The following SNAP91 variants were observed in gnomAD, a reference collection of about 807,000 sequenced individuals.
SNAP91 encodes clathrin coat assembly protein AP180.
In SNAP91, 27 loss-of-function variants were observed where a neutral mutation model predicts 100.3. That is an observed-to-expected ratio of 0.27 (90% CI 0.20 to 0.37). SNAP91 has a LOEUF of 0.37. SNAP91 is among the 10% of genes least tolerant of loss of function. SNAP91 has a pLI of 1.00. For synonymous variants in SNAP91, 404 were observed against 398.6 expected (o/e 1.01, Z -0.16); for missense variants, 986 against 1,123.7 (o/e 0.88, Z 1.75).
Position 83,601,458 on chromosome 6 carries a change from G to C in SNAP91, c.1157-20C>G, listed in dbSNP as rs773601151. On this transcript the variant is annotated intron_variant, in intron 15 of 29. Transcript: ENST00000369694. ...AAGAATCTATATTTCACCAGAGACA[G>C]AGAGCAAACGGAGAGAAGAAAAGCA... 10 of 1,613,444 alleles carry C rather than the reference G, an allele frequency of 6.2e-6. No individual in the cohort carries two copies. Among genetic ancestry groups the C allele is most frequent in the Non-Finnish European group, 8.5e-6 (10 of 1,179,616 alleles).
Position 83,592,537 on chromosome 6 carries a change from C to T in SNAP91, c.1848G>A (p.Val616=), listed in dbSNP as rs370310713. The change falls in exon 21 of 30, where the codon GTG becomes GTA. Residue 616 remains valine, a splice_region_variant and synonymous_variant. Coordinates refer to ENST00000369694, the MANE Select transcript of SNAP91 (RefSeq NM_001242792.2). ...CAGGAGATGGTGCTGCAAATGCATCCACTGCAGTGAAGCACAGACAGGAAA... is the reference window on the plus strand; with the variant it reads ...CAGGAGATGGTGCTGCAAATGCATCTACTGCAGTGAAGCACAGACAGGAAA... ...ESSLTADLLS[V]DAFAAPSPAT... is the part of the protein sequence containing the mutation. The T allele has an allele frequency of 5.0e-6, 8 of 1,605,732 alleles. No individual in the cohort carries two copies. In the African/African-American group the frequency reaches 1.1e-4, roughly 21 times the overall value.
chr6:83,659,248 C>G (rs542887384), intron 5 of SNAP91, among the ~76,000 whole-genome samples, 156 bp from the exon 6 acceptor site: 1 of 152,230 alleles, frequency 6.6e-6, no homozygotes, highest in South Asian at 2.1e-4. Flanking sequence ...CATTTCCCCC[C>G]TCTATCTATT....
chr6:83,577,942 G>A (rs553982294), intron 24 of SNAP91, among the ~76,000 whole-genome samples: 1 of 152,018 alleles, frequency 6.6e-6, no homozygotes, highest in Admixed American at 6.5e-5. Flanking sequence ...GTCTATTCTG[G>A]ACATTTCATA....
In SNAP91 at chr6:83,665,519, C is replaced by A; in HGVS notation, c.193G>T (p.Glu65Ter). The change falls in exon 3 of 30, where the codon GAG (glutamate) becomes TAG (stop). Residue 65 changes from glutamate to a stop codon, truncating the protein, a stop_gained. Transcript: ENST00000369694. LOFTEE classifies it high-confidence loss of function. ...ACCCAGCTACTGTTTGTTGCCCGCT[C>A]AAAGAGAGTGTCGGCCATCTGAGGA... is the stretch of plus-strand genomic sequence containing the variant. ...NIPQMADTLF[E>*]RATNSSWVVV... The A allele has an allele frequency of 6.2e-7, 1 of 1,612,796 alleles. No homozygotes were observed. The highest frequency in any genetic ancestry group is 8.5e-7 in the Non-Finnish European group (1 of 1,179,240).
intron 2 of SNAP91, among the ~76,000 whole-genome samples, chr6:83,675,711 A>G (rs1397600319): frequency 6.6e-6 from 1 of 151,876 alleles, no homozygotes; most frequent in African/African-American, 2.4e-5. Context: ...GCCTCTCTTA[A>G]CCTCCATTTC....
At chr6:83,665,846 T>C (rs753021290) in intron 2 of SNAP91, among the ~76,000 whole-genome samples, 7 of 152,140 alleles carry the variant, frequency 4.6e-5, no homozygotes, top group Non-Finnish European at 1.0e-4. Context: ...ACCTGTTTGC[T>C]GGTACTTATG....
chr6:83,649,943 C>T (rs1295715969), intron 7 of SNAP91, among the ~76,000 whole-genome samples: 1 of 152,082 alleles, frequency 6.6e-6, no homozygotes, highest in Non-Finnish European at 1.5e-5. Flanking sequence ...ATATTTTGAA[C>T]AACTAATTGA....
At position 83,656,830 on chromosome 6, in the gene SNAP91, A is replaced by G; in HGVS notation, c.582T>C (p.Asn194=). ...CTTTGAAAAGAAGCATAAATGCTGCATTTATGACACCATTTGTTAGTTCAT... is the reference window on the plus strand; with the variant it reads ...CTTTGAAAAGAAGCATAAATGCTGCGTTTATGACACCATTTGTTAGTTCAT... ...HPNELTNGVI[N]AAFMLLFKDL... The change falls in exon 7 of 30, where the codon AAT becomes AAC. Residue 194 remains asparagine, a synonymous_variant. Transcript: ENST00000369694. 2 of 1,605,250 alleles carry G rather than the reference A, an allele frequency of 1.2e-6. No individual in the cohort carries two copies. Among genetic ancestry groups the G allele is most frequent in the Non-Finnish European group, 1.7e-6 (2 of 1,175,396 alleles).
At chr6:83,707,720 CA>C in intron 2 of SNAP91, 77 bp downstream of exon 2, 2 of 1,571,276 alleles carry the variant, frequency 1.3e-6, no homozygotes, top group Non-Finnish European at 1.7e-6. Context: ...CATTATGGAC[CA>C]AGAGCGCAGG....
intron 8 of SNAP91, among the ~76,000 whole-genome samples, 192 bp downstream of exon 8, chr6:83,640,904 A>G (rs1464175355): frequency 6.6e-6 from 1 of 152,154 alleles, no homozygotes; most frequent in Non-Finnish European, 1.5e-5. Context: ...GCAGGAGTAC[A>G]GAGTACAGCT....
intron 2 of SNAP91, among the ~76,000 whole-genome samples, chr6:83,679,481 G>A (rs575615888): frequency 1.9e-3 from 286 of 152,246 alleles, no homozygotes; most frequent in Middle Eastern, 0.01. Flanking sequence ...AGAAATAAAA[G>A]TCGACAGCAG....
intron 2 of SNAP91, among the ~76,000 whole-genome samples, chr6:83,694,970 T>C (rs2099178806): frequency 6.6e-6 from 1 of 151,936 alleles, no homozygotes; most frequent in Admixed American, 6.6e-5. Context: ...ACACATACTT[T>C]AAAAAAACGA....
intron 5 of SNAP91, 88 bp from the exon 6 acceptor site, chr6:83,659,180 C>T (rs1409660346): frequency 2.1e-6 from 2 of 952,228 alleles, no homozygotes; most frequent in Admixed American, 2.5e-5. Flanking sequence ...TTCCCCCACA[C>T]CACCCCATTT....
intron 11 of SNAP91, among the ~76,000 whole-genome samples, chr6:83,611,166 T>C (rs2128311236): frequency 6.6e-6 from 1 of 152,210 alleles, no homozygotes; most frequent in East Asian, 1.9e-4. Context: ...TGCTGAAATA[T>C]GTCTCGGCTT....
At chr6:83,655,544 G>GA (rs1008118124) in intron 7 of SNAP91, among the ~76,000 whole-genome samples, 1 of 151,940 alleles carries the variant, frequency 6.6e-6, no homozygotes, top group South Asian at 2.1e-4. Flanking sequence ...ATCTCCTTTG[G>GA]AAAAAATGCT....
chr6:83,577,318 A>G (rs184243646), intron 24 of SNAP91, among the ~76,000 whole-genome samples: 1 of 152,218 alleles, frequency 6.6e-6, no homozygotes, highest in African/African-American at 2.4e-5. Context: ...TTAACTGAAC[A>G]CCAAATATAA....
At chr6:83,648,525 A>T (rs2098058641) in intron 7 of SNAP91, among the ~76,000 whole-genome samples, 1 of 152,130 alleles carries the variant, frequency 6.6e-6, no homozygotes. Flanking sequence ...TAAGGAAAAC[A>T]GTAAATGTAA....
At chr6:83,678,986 G>A in intron 2 of SNAP91, 1 of 694,212 alleles carries the variant, frequency 1.4e-6, no homozygotes, top group South Asian at 2.6e-5. Context: ...ATATCCACAA[G>A]GTCCACATCC....
At chr6:83,661,431 A>G in intron 5 of SNAP91, 71 bp downstream of exon 5, 1 of 879,242 alleles carries the variant, frequency 1.1e-6, no homozygotes, top group South Asian at 1.8e-5. Flanking sequence ...ATTTAAGCTT[A>G]GTTAAAATAA....
Sources: gnomAD v4.1 joint callset for allele counts (sites outside exome capture counted in the v4.1 genomes callset) on GRCh38, gnomAD v4.1.1 for gene constraint, MANE v1.5 for transcripts, NCBI Gene and HGNC (gene_info 2026-07-23, HGNC 2026-07-21) for gene names.